Variants in COX16 observed in about 807,000 individuals in gnomAD.
COX16 encodes the protein cytochrome c oxidase assembly factor COX16.
Under a neutral mutation model 15.4 loss-of-function variants are expected in COX16, and 12 were observed. That is an observed-to-expected ratio of 0.78 (90% CI 0.50 to 1.26). The LOEUF is 1.26. COX16 is among the 50% of genes most tolerant of loss of function. The probability of loss-of-function intolerance (pLI) is 0.00; values close to 1 mark genes in which losing one functional copy is unlikely to be tolerated. For synonymous variants in COX16, 46 were observed against 41.1 expected, an observed-to-expected ratio of 1.12 and a Z score of -0.46; for missense variants, 124 against 127.6, an observed-to-expected ratio of 0.97 and a Z score of 0.14.
At chr14:70,357,017 C>G (rs1186806593) in intron 1 of COX16, among the ~76,000 whole-genome samples, 1 of 151,984 alleles carries the variant, frequency 6.6e-6, no homozygotes, top group Non-Finnish European at 1.5e-5. Flanking sequence ...GGTTGGAGCT[C>G]TTTAAAACAC....
intron 3 of COX16, among the ~76,000 whole-genome samples, chr14:70,328,447 C>CA (rs1276957762): frequency 2.0e-5 from 3 of 152,122 alleles, no homozygotes; most frequent in Admixed American, 6.5e-5. Context: ...ATAATCCAGT[C>CA]AAAAAAATGA....
At chr14:70,332,237 GGTC>G (rs1886313064) in intron 2 of COX16, among the ~76,000 whole-genome samples, 1 of 152,222 alleles carries the variant, frequency 6.6e-6, no homozygotes, top group Non-Finnish European at 1.5e-5. Context: ...TTCAGCTGCA[GGTC>G]CCAGCTCAGA....
chr14:70,343,990 G>A (rs1331640467), intron 1 of COX16, among the ~76,000 whole-genome samples: 1 of 152,168 alleles, frequency 6.6e-6, no homozygotes, highest in Non-Finnish European at 1.5e-5. Context: ...TGGGGAGTGT[G>A]CTGATTGGTC....
At chr14:70,348,773 C>G (rs1287908930) in intron 1 of COX16, among the ~76,000 whole-genome samples, 1 of 152,186 alleles carries the variant, frequency 6.6e-6, no homozygotes, top group African/African-American at 2.4e-5. Flanking sequence ...AAAAAACACT[C>G]CTGTCATAAA....
intron 1 of COX16, among the ~76,000 whole-genome samples, chr14:70,345,792 C>T (rs1009020853): frequency 1.3e-5 from 2 of 152,132 alleles, no homozygotes; most frequent in East Asian, 1.9e-4. Flanking sequence ...CCGCCCTGAT[C>T]GCCTTTCTCC....
chr14:70,351,378 GATA>G (rs1886950032), intron 1 of COX16, among the ~76,000 whole-genome samples: 2 of 152,160 alleles, frequency 1.3e-5, no homozygotes, highest in Non-Finnish European at 2.9e-5. Flanking sequence ...TTAATTTAGA[GATA>G]ATAATTGTAA....
At chr14:70,349,579 T>C (rs1243386634) in intron 1 of COX16, among the ~76,000 whole-genome samples, 2 of 152,060 alleles carry the variant, frequency 1.3e-5, no homozygotes, top group Non-Finnish European at 2.9e-5. Flanking sequence ...TCAGGCAAAG[T>C]TGAAAAAATG....
intron 1 of COX16, among the ~76,000 whole-genome samples, chr14:70,356,937 G>A (rs548600716): frequency 6.6e-5 from 10 of 151,940 alleles, no homozygotes; most frequent in East Asian, 1.9e-4. Context: ...CCCAAGCTCC[G>A]TAACAACCAT....
intron 2 of COX16, among the ~76,000 whole-genome samples, chr14:70,340,263 A>G (rs1261361204): frequency 6.6e-6 from 1 of 152,140 alleles, no homozygotes; most frequent in Non-Finnish European, 1.5e-5. Flanking sequence ...CGCCATGTGA[A>G]GAAGGTCATG....
At chr14:70,337,153 T>G (rs1886480532) in intron 2 of COX16, among the ~76,000 whole-genome samples, 1 of 152,166 alleles carries the variant, frequency 6.6e-6, no homozygotes, top group Non-Finnish European at 1.5e-5. Context: ...TGCAACAGTT[T>G]TGAAATTCTA....
intron 1 of COX16, among the ~76,000 whole-genome samples, chr14:70,346,613 C>T (rs995610220): frequency 2.0e-5 from 3 of 152,206 alleles, no homozygotes; most frequent in African/African-American, 7.2e-5. Flanking sequence ...GGAATGGATG[C>T]CCCGGCAACT....
At chr14:70,335,894 CAA>C (rs1886438002) in intron 2 of COX16, among the ~76,000 whole-genome samples, 1 of 152,028 alleles carries the variant, frequency 6.6e-6, no homozygotes, top group African/African-American at 2.4e-5. Context: ...AAATTCAAAA[CAA>C]AGAAAATTAA....
At chr14:70,339,464 C>T (rs141222829) in intron 2 of COX16, among the ~76,000 whole-genome samples, 15 of 152,140 alleles carry the variant, frequency 9.9e-5, no homozygotes, top group Admixed American at 2.6e-4. Context: ...CAAACAATGA[C>T]GGTTGGTCAC....
At position 70,326,221 on chromosome 14, in the gene COX16, A is replaced by G. The variant is rs1051017560; in HGVS notation, c.*112T>C. On this transcript the variant is annotated 3_prime_UTR_variant, in exon 4 of 4. Coordinates refer to ENST00000389912, the MANE Select transcript of COX16 (RefSeq NM_016468.7). ...TTTGTCATCAAATTACCCATATCCAAGTTTCCATGGGCCTGGAATTTCCTT... is the reference window on the plus strand; with the variant it reads ...TTTGTCATCAAATTACCCATATCCAGGTTTCCATGGGCCTGGAATTTCCTT... The G allele has an allele frequency of 1.9e-5, 16 of 864,734 alleles. No homozygotes were observed. Among genetic ancestry groups the G allele is most frequent in the Non-Finnish European group, 2.5e-5 (16 of 640,124 alleles). The allele number at this position is 864,734 out of a possible 1,614,324, so 53.6% of individuals were successfully genotyped here. A position where few individuals can be genotyped will look rare whatever the true frequency, so the allele number is the denominator to read the frequency against.
At chr14:70,330,803 TTG>T (rs1386495580) in intron 2 of COX16, among the ~76,000 whole-genome samples, 13 of 152,280 alleles carry the variant, frequency 8.5e-5, no homozygotes, top group Admixed American at 6.5e-5. Context: ...TATTTGATGA[TTG>T]CACAATTTCT....
chr14:70,327,155 GA>G (rs935262945), intron 3 of COX16, among the ~76,000 whole-genome samples: 1 of 151,108 alleles, frequency 6.6e-6, no homozygotes, highest in African/African-American at 2.4e-5. Flanking sequence ...GAGTAAGATG[GA>G]AAAAAAAAGC....
intron 1 of COX16, among the ~76,000 whole-genome samples, chr14:70,357,768 A>G (rs1887175648): frequency 6.6e-6 from 1 of 152,236 alleles, no homozygotes; most frequent in South Asian, 2.1e-4. Context: ...AAGGATGTGG[A>G]GAAATTGAAA....
At chr14:70,352,577 T>G (rs1344005499) in intron 1 of COX16, among the ~76,000 whole-genome samples, 1 of 107,588 alleles carries the variant, frequency 9.3e-6, no homozygotes, top group Non-Finnish European at 2.2e-5. Context: ...ATAATGCATA[T>G]TACATACATT....
chr14:70,355,104 CTCTT>C (rs924879778), intron 1 of COX16, among the ~76,000 whole-genome samples: 1 of 152,142 alleles, frequency 6.6e-6, no homozygotes, highest in African/African-American at 2.4e-5. Flanking sequence ...AGATACCAAC[CTCTT>C]TCTTTGTTCC....
Sources: allele counts gnomAD v4.1 joint callset (sites outside exome capture counted in the v4.1 genomes callset), GRCh38; gene constraint gnomAD v4.1.1; transcripts MANE v1.5; gene names NCBI Gene and HGNC (gene_info 2026-07-23, HGNC 2026-07-21).